The following RAB40B variants were observed in gnomAD, a reference collection of about 807,000 sequenced individuals.
The protein encoded by RAB40B is ras-related protein Rab-40B.
A neutral mutation model predicts 24.0 loss-of-function variants in RAB40B; 21 were observed. The ratio of observed to expected loss-of-function variants is 0.88; its 90% confidence interval spans 0.62 to 1.26. The LOEUF is 1.26. RAB40B is among the 50% of genes most tolerant of loss of function. The pLI, the probability that RAB40B is intolerant of heterozygous loss-of-function variation, is 0.00. For synonymous variants in RAB40B, 167 were observed against 169.8 expected, an observed-to-expected ratio of 0.98 and a Z score of 0.13; for missense variants, 348 against 390.5, an observed-to-expected ratio of 0.89 and a Z score of 0.92.
chr17:82,671,472 AAC>A (rs770854308), intron 1 of RAB40B, among the ~76,000 whole-genome samples: 1 of 24,276 alleles, frequency 4.1e-5, no homozygotes, highest in Non-Finnish European at 9.6e-5. Context: ...CTGTAACTCT[AAC>A]ACACACTCAC....
intron 3 of RAB40B, among the ~76,000 whole-genome samples, chr17:82,660,742 C>T (rs375155459): frequency 1.1e-4 from 16 of 151,892 alleles, no homozygotes; most frequent in African/African-American, 2.4e-4. Context: ...ACACAGTGCA[C>T]GTACCTGCAC....
At chr17:82,695,306 C>T (rs2046598024) in intron 1 of RAB40B, among the ~76,000 whole-genome samples, 1 of 151,174 alleles carries the variant, frequency 6.6e-6, no homozygotes, top group African/African-American at 2.5e-5. Context: ...ATTCTCCTGC[C>T]TCAGCCTCCC....
intron 1 of RAB40B, among the ~76,000 whole-genome samples, chr17:82,676,434 C>T (rs552569122): frequency 6.7e-6 from 1 of 150,014 alleles, no homozygotes; most frequent in Non-Finnish European, 1.5e-5. Context: ...CTTCAACAGC[C>T]TCTCCCCCCC....
chr17:82,682,223 A>G (rs1332109635), intron 1 of RAB40B, among the ~76,000 whole-genome samples: 1 of 152,182 alleles, frequency 6.6e-6, no homozygotes, highest in Non-Finnish European at 1.5e-5. Context: ...TAGTAAGATC[A>G]AAATATACAA....
chr17:82,665,314 G>T (rs543659905), intron 1 of RAB40B, among the ~76,000 whole-genome samples: 162 of 151,104 alleles, frequency 1.1e-3, no homozygotes, highest in Middle Eastern at 6.8e-3. Flanking sequence ...GTGCAGTGGC[G>T]TGATCACAGC....
At position 82,656,470 on chromosome 17, in the gene RAB40B, G is replaced by A. The variant is rs1391586081; in HGVS notation, c.*1393C>T. The A allele has an allele frequency of 1.3e-5, 2 of 152,154 alleles. No homozygotes were observed. The highest frequency in any genetic ancestry group is 2.9e-5 in the Non-Finnish European group (2 of 68,068). The allele number at this position is 152,154 out of a possible 1,614,324, so 9.4% of individuals were successfully genotyped here. On this transcript the variant is annotated 3_prime_UTR_variant, in exon 6 of 6. Coordinates refer to ENST00000571995, the MANE Select transcript of RAB40B (RefSeq NM_006822.3). ...GGCTACATCTTCATGCGGAATTCCT[G>A]ACAGCCCCTCGGAGCTCCTCACCGA...
intron 1 of RAB40B, among the ~76,000 whole-genome samples, chr17:82,670,329 C>T (rs1424119603): frequency 1.3e-5 from 2 of 151,816 alleles, no homozygotes; most frequent in African/African-American, 4.8e-5. Flanking sequence ...GAATTACAGG[C>T]ACACGCCAGC....
chr17:82,698,328 G>GCACGC, intron 1 of RAB40B, 127 bp downstream of exon 1: 3 of 872,154 alleles, frequency 3.4e-6, no homozygotes, highest in African/African-American at 1.8e-5. Context: ...ACGCGCCCCG[G>GCACGC]CCTCTTCCCG....
intron 1 of RAB40B, among the ~76,000 whole-genome samples, chr17:82,694,658 T>TGC (rs2046590670): frequency 6.6e-6 from 1 of 151,634 alleles, no homozygotes; most frequent in Non-Finnish European, 1.5e-5. Context: ...AGAAGAACTA[T>TGC]GAGACAAAAA....
At chr17:82,661,652 C>G (rs1202931864) in intron 2 of RAB40B, among the ~76,000 whole-genome samples, 9 of 151,996 alleles carry the variant, frequency 5.9e-5, no homozygotes, top group African/African-American at 2.2e-4. Context: ...TTTGGGAGAC[C>G]GAGGCAGGCG....
intron 1 of RAB40B, among the ~76,000 whole-genome samples, chr17:82,681,639 A>C (rs1367529081): frequency 6.6e-6 from 1 of 152,212 alleles, no homozygotes. Context: ...ATTAAAAGTA[A>C]AAATATAAAG....
rs1387726186 is a variant in RAB40B at position 82,697,860 on chromosome 17, C to A, written c.142+595G>T. Among the ~76,000 whole-genome samples, 3 of 152,230 alleles carry A rather than the reference C, an allele frequency of 2.0e-5. No individual in the cohort carries two copies. The highest frequency in any genetic ancestry group is 1.3e-4 in the Admixed American group (2 of 15,290). On this transcript the variant is annotated intron_variant, in intron 1 of 5. Coordinates refer to ENST00000571995, the MANE Select transcript of RAB40B (RefSeq NM_006822.3). This position sits in a 1 kb window ranked among gnomAD's most constrained non-coding sequence, Gnocchi z 4.9. ...GTCGTGGGGGGTCCCCTCTTCCGCA[C>A]GCGAGTCACCTGTGCTCCTTCCTCT...
Position 82,698,571 on chromosome 17 carries a change from C to T in RAB40B, c.26G>A (p.Arg9Gln), listed in dbSNP as rs1179704082. Residue 9 changes from arginine to glutamine, a missense_variant, in exon 1 of 6, where the codon CGG becomes CAG. Around this residue, in one of 3 missense-constraint regions of RAB40B, gnomAD observed 101 missense variants for 85.5 expected, o/e 1.18. Coordinates refer to ENST00000571995, the MANE Select transcript of RAB40B (RefSeq NM_006822.3). ...GAACTTGAGCAGAAAGTCGTAGGCC[C>T]GGACCGGGCTGCCCAGGGCGCTCAT... Reference protein sequence around the residue: MSALGSPVRAYDFLLKFLL... With the variant: MSALGSPVQAYDFLLKFLL... 2 of 1,507,914 alleles carry T rather than the reference C, an allele frequency of 1.3e-6. No individual in the cohort carries two copies. Among genetic ancestry groups the T allele is most frequent in the South Asian group, 1.2e-5 (1 of 83,504 alleles). The allele number at this position is 1,507,914 out of a possible 1,614,324, so 93.4% of individuals were successfully genotyped here.
At position 82,655,096 on chromosome 17, in the gene RAB40B, C is replaced by T. The variant is rs2046078396; in HGVS notation, c.*2767G>A. 6.6e-6 allele frequency: 1 copy of T among 152,230 alleles called. No individual in the cohort carries two copies. 9.4% of individuals were successfully genotyped at this position (152,230 alleles called of 1,614,324 possible). A position where few individuals can be genotyped will look rare whatever the true frequency, so the allele number is the denominator to read the frequency against. On this transcript the variant is annotated 3_prime_UTR_variant, in exon 6 of 6. Coordinates refer to ENST00000571995, the MANE Select transcript of RAB40B (RefSeq NM_006822.3). Reference sequence around the variant, plus strand: ...CTGCCTTGGTTTGCTGTAGCACTTTCTGCCGTGAGCGTAACTCACTTCCTT... The same window carrying T: ...CTGCCTTGGTTTGCTGTAGCACTTTTTGCCGTGAGCGTAACTCACTTCCTT...
chr17:82,663,120 G>A lies in RAB40B; in HGVS notation c.203+1376C>T, dbSNP rs867322270. 2.8e-4 allele frequency among the ~76,000 whole-genome samples: 42 copies of A among 152,310 alleles called. No individual in the cohort carries two copies. Among genetic ancestry groups the A allele is most frequent in the South Asian group, 2.7e-3 (13 of 4,832 alleles). On this transcript the variant is annotated intron_variant, in intron 2 of 5. Coordinates refer to ENST00000571995, the MANE Select transcript of RAB40B (RefSeq NM_006822.3). This position sits in a 1 kb window ranked among gnomAD's most constrained non-coding sequence, Gnocchi z 6.2. ...GCCAGCCCAGCGAGGGCATGGCCCC[G>A]GGGGAGTGGGGACCTGAGAGCAGAC...
intron 1 of RAB40B, chr17:82,664,867 C>T (rs11868984): frequency 1.8e-5 from 5 of 272,688 alleles, no homozygotes; most frequent in East Asian, 1.7e-4. Context: ...GGGTTTGCCG[C>T]GGGGCTGTGG....
At position 82,667,760 on chromosome 17, in the gene RAB40B, C is replaced by T. The variant is rs533180775; in HGVS notation, c.143-3204G>A. On this transcript the variant is annotated intron_variant, in intron 1 of 5. Coordinates refer to ENST00000571995, the MANE Select transcript of RAB40B (RefSeq NM_006822.3). The surrounding 1 kb of genome is among the most constrained non-coding windows in gnomAD (Gnocchi z 4.3). ...ACAAAAGATACAGCAGCACTGAGAA[C>T]GCCCGAAGCACCCGCTTTGCAGACG... 3.9e-5 allele frequency among the ~76,000 whole-genome samples: 6 copies of T among 152,308 alleles called. No individual in the cohort carries two copies. The highest frequency in any genetic ancestry group is 3.9e-4 in the East Asian group (2 of 5,178).
chr17:82,658,431 G>A (rs1339912466), intron 5 of RAB40B, 60 bp downstream of exon 5: 13 of 1,570,564 alleles, frequency 8.3e-6, no homozygotes, highest in South Asian at 2.2e-5. Context: ...CCAGGGGGCC[G>A]CTGACCCACC....
Position 82,698,617 on chromosome 17 carries a change from A to T in RAB40B, c.-21T>A. 1.4e-6 allele frequency: 2 copies of T among 1,416,480 alleles called. No individual in the cohort carries two copies. The highest frequency in any genetic ancestry group is 6.4e-5 in the East Asian group (2 of 31,034). 87.7% of individuals were successfully genotyped at this position (1,416,480 alleles called of 1,614,324 possible). A position where few individuals can be genotyped will look rare whatever the true frequency, so the allele number is the denominator to read the frequency against. ...CTCATCGTGACGGCCCGGCGCCCCC[A>T]CCCATGCCCGGCCTGCGGGGCTGAG... is the stretch of plus-strand genomic sequence containing the variant. On this transcript the variant is annotated 5_prime_UTR_variant, in exon 1 of 6. Coordinates refer to ENST00000571995, the MANE Select transcript of RAB40B (RefSeq NM_006822.3).
Sources: gnomAD v4.1 joint callset for allele counts (sites outside exome capture counted in the v4.1 genomes callset) on GRCh38, gnomAD v4.1.1 for gene constraint, gnomAD v4.1.1 regional missense constraint, Gnocchi (gnomAD v3.1) non-coding constraint, MANE v1.5 for transcripts, NCBI Gene and HGNC (gene_info 2026-07-23, HGNC 2026-07-21) for gene names.